STPG4: variants seen among roughly 807,000 people sequenced by gnomAD.
STPG4 encodes the protein protein STPG4.
STPG4 carries 41 observed loss-of-function variants against 31.5 expected under a neutral mutation model. The ratio of observed to expected loss-of-function variants is 1.30; its 90% CI spans 1.01 to 1.69. The LOEUF (loss-of-function observed/expected upper bound fraction) is 1.69, where lower values mean the gene tolerates loss of function less well. STPG4 is among the 40% of genes most tolerant of loss of function. The probability of loss-of-function intolerance (pLI) is 0.00; values close to 1 mark genes in which losing one functional copy is unlikely to be tolerated. For synonymous variants in STPG4, 141 were observed against 103.0 expected (o/e 1.37, Z -2.24); for missense variants, 375 against 293.4 (o/e 1.28, Z -2.03).
intron 5 of STPG4, among the ~76,000 whole-genome samples, chr2:47,118,786 T>C (rs1397388355): frequency 6.6e-6 from 1 of 152,218 alleles, no homozygotes; most frequent in Non-Finnish European, 1.5e-5. Context: ...TGAGACAGTC[T>C]ATGTCAGTCA....
chr2:47,094,581 G>C (rs184529349), intron 5 of STPG4, among the ~76,000 whole-genome samples: 94 of 152,278 alleles, frequency 6.2e-4, no homozygotes, highest in Non-Finnish European at 1.2e-4. Context: ...GAGGGATATA[G>C]GCAGAACCAA....
At chr2:47,148,623 T>C (rs975304895) in intron 3 of STPG4, among the ~76,000 whole-genome samples, 1 of 152,164 alleles carries the variant, frequency 6.6e-6, no homozygotes, top group Non-Finnish European at 1.5e-5. Context: ...GTTGGTGTGC[T>C]GCACCCGTGA....
chr2:47,138,152 A>C (rs1398066481), intron 3 of STPG4, among the ~76,000 whole-genome samples: 1 of 152,160 alleles, frequency 6.6e-6, no homozygotes, highest in Non-Finnish European at 1.5e-5. Flanking sequence ...GCTACATCCC[A>C]CAAATTTTGT....
chr2:47,148,881 T>C (rs966906102), intron 3 of STPG4, among the ~76,000 whole-genome samples: 32 of 152,206 alleles, frequency 2.1e-4, no homozygotes, highest in Non-Finnish European at 4.1e-4. Context: ...TATGGCTGCA[T>C]AGTATTCCTG....
intron 3 of STPG4, among the ~76,000 whole-genome samples, chr2:47,138,188 G>T (rs1340257848): frequency 6.6e-6 from 1 of 151,960 alleles, no homozygotes; most frequent in South Asian, 2.1e-4. Flanking sequence ...CTTCCACTTA[G>T]TTCAAAGTAT....
At chr2:47,107,115 C>T (rs1012442048) in intron 5 of STPG4, among the ~76,000 whole-genome samples, 17 of 152,004 alleles carry the variant, frequency 1.1e-4, no homozygotes, top group Non-Finnish European at 2.4e-4. Flanking sequence ...TGACAGCGTG[C>T]TGGCAGTCCT....
chr2:47,092,626 G>C (rs1376340037), intron 5 of STPG4, among the ~76,000 whole-genome samples: 1 of 135,864 alleles, frequency 7.4e-6, no homozygotes, highest in Non-Finnish European at 1.6e-5. Flanking sequence ...AGGAGAAAGG[G>C]AGCAGAGGGG....
At chr2:47,150,788 T>A (rs1237155983) in intron 3 of STPG4, among the ~76,000 whole-genome samples, 1 of 152,132 alleles carries the variant, frequency 6.6e-6, no homozygotes, top group Non-Finnish European at 1.5e-5. Context: ...CCCGGCTATT[T>A]TTCTTTATTT....
chr2:47,127,479 G>C (rs1686389198), intron 5 of STPG4, among the ~76,000 whole-genome samples: 1 of 151,972 alleles, frequency 6.6e-6, no homozygotes, highest in South Asian at 2.1e-4. Flanking sequence ...ATGTTGGCCA[G>C]ACTGGTCTTG....
intron 1 of STPG4, among the ~76,000 whole-genome samples, chr2:47,153,694 A>G (rs1686977832): frequency 1.3e-5 from 2 of 152,008 alleles, no homozygotes; most frequent in South Asian, 4.2e-4. Flanking sequence ...AATCACTTGA[A>G]CTCCGTAGGC....
rs561608934 is a variant in STPG4 at position 47,134,163 on chromosome 2, C to T, written c.400-3903G>A. ...CCCACACATGCGTAACCTCCATTATCATCATGCCACACTAAAAAGGTACAG... is the reference window on the plus strand; with the variant it reads ...CCCACACATGCGTAACCTCCATTATTATCATGCCACACTAAAAAGGTACAG... On this transcript the variant is annotated intron_variant, in intron 3 of 6. Coordinates refer to ENST00000445927, the MANE Select transcript of STPG4 (RefSeq NM_001163561.2). Among the ~76,000 whole-genome samples the T allele has an allele frequency of 6.6e-5, 10 of 152,120 alleles. No individual in the cohort carries two copies. The East Asian group carries it at 1.2e-3, about 18-fold the overall frequency.
intron 6 of STPG4, among the ~76,000 whole-genome samples, chr2:47,087,794 C>A (rs1425720743): frequency 1.3e-5 from 2 of 152,100 alleles, no homozygotes; most frequent in African/African-American, 4.8e-5. Context: ...TGTTGCTAGG[C>A]TGGAGTGTAG....
intron 5 of STPG4, among the ~76,000 whole-genome samples, chr2:47,112,002 C>A (rs1686046326): frequency 6.6e-6 from 1 of 152,218 alleles, no homozygotes; most frequent in African/African-American, 2.4e-5. Flanking sequence ...GTGAGAATAG[C>A]TCCTCTATAT....
At chr2:47,134,400 T>A (rs573901567) in intron 3 of STPG4, among the ~76,000 whole-genome samples, 38 of 152,350 alleles carry the variant, frequency 2.5e-4, no homozygotes, top group African/African-American at 9.1e-4. Context: ...CTGATCTTTT[T>A]ATAGTCTCCA....
intron 5 of STPG4, among the ~76,000 whole-genome samples, chr2:47,107,798 A>C (rs1685949871): frequency 6.6e-6 from 1 of 151,676 alleles, no homozygotes; most frequent in Non-Finnish European, 1.5e-5. Flanking sequence ...TTGTAAATAC[A>C]CCAATCAGCA....
intron 3 of STPG4, among the ~76,000 whole-genome samples, chr2:47,140,410 G>A (rs772785339): frequency 6.6e-6 from 1 of 152,130 alleles, no homozygotes; most frequent in Non-Finnish European, 1.5e-5. Context: ...CTCAAAACAC[G>A]TGAGGCACCC....
At chr2:47,126,110 T>G (rs1470253626) in intron 5 of STPG4, among the ~76,000 whole-genome samples, 2 of 152,184 alleles carry the variant, frequency 1.3e-5, no homozygotes, top group Admixed American at 6.5e-5. Context: ...TACCATACTG[T>G]TTTTGCTACA....
intron 3 of STPG4, among the ~76,000 whole-genome samples, chr2:47,136,524 C>T (rs972335289): frequency 4.6e-5 from 7 of 152,116 alleles, no homozygotes; most frequent in Non-Finnish European, 8.8e-5. Context: ...TAGATTTATA[C>T]CTAAGTATGT....
At chr2:47,110,531 T>C (rs1456086022) in intron 5 of STPG4, among the ~76,000 whole-genome samples, 2 of 152,192 alleles carry the variant, frequency 1.3e-5, no homozygotes, top group South Asian at 2.1e-4. Context: ...AATGCAAAGA[T>C]TGCAGTGAGC....
Sources: gnomAD v4.1 joint callset for allele counts (sites outside exome capture counted in the v4.1 genomes callset) on GRCh38, gnomAD v4.1.1 for gene constraint, MANE v1.5 for transcripts, NCBI Gene and HGNC (gene_info 2026-07-23, HGNC 2026-07-21) for gene names.